Variants in SPIRE2 observed in about 807,000 individuals in gnomAD.
The protein encoded by SPIRE2 is spire type actin nucleation factor 2.
In SPIRE2, 76 loss-of-function variants were observed where a neutral mutation model predicts 80.7. The ratio of observed to expected loss-of-function variants is 0.94; its 90% CI spans 0.78 to 1.14. SPIRE2 has a LOEUF of 1.14. Ranked by LOEUF, SPIRE2 falls within the 50% of genes most tolerant of loss-of-function variation. The probability of loss-of-function intolerance (pLI) is 0.00; values close to 1 mark genes in which losing one functional copy is unlikely to be tolerated. For synonymous variants in SPIRE2, 535 were observed against 432.6 expected (o/e 1.24, Z -2.94); for missense variants, 1,196 against 1,015.3 (o/e 1.18, Z -2.42).
In SPIRE2 at chr16:89,855,660, A is replaced by T. The variant is rs1285428230; in HGVS notation, c.952A>T (p.Ile318Phe). 6.2e-7 allele frequency: 1 copy of T among 1,612,602 alleles called. No individual in the cohort carries two copies. The highest frequency in any genetic ancestry group is 1.7e-5 in the Admixed American group (1 of 59,994). ...CGCTCACGAGCTCATCCTGGACTTT[A>T]TCCGCTCACGGCCTCCACTGAAGCA... ...KDAHELILDF[I>F]RSRPPLKQVS... is the part of the protein sequence containing the mutation. The change falls in exon 6 of 15, where the codon ATC (isoleucine) becomes TTC (phenylalanine). Residue 318 changes from isoleucine (I) to phenylalanine (F), a missense_variant. Coordinates refer to ENST00000378247, the MANE Select transcript of SPIRE2 (RefSeq NM_032451.2).
chr16:89,869,230 G>A (rs1225917995), intron 13 of SPIRE2, among the ~76,000 whole-genome samples: 3 of 150,742 alleles, frequency 2.0e-5, no homozygotes, highest in Non-Finnish European at 3.0e-5. Flanking sequence ...GGGTAAGGTG[G>A]CAGGTCCCGT....
At chr16:89,868,726 G>A (rs753091248) in intron 13 of SPIRE2, among the ~76,000 whole-genome samples, 18 of 151,980 alleles carry the variant, frequency 1.2e-4, no homozygotes, top group South Asian at 4.1e-4. Flanking sequence ...ATGGTGGCAC[G>A]CACCTGTAAT....
At chr16:89,855,552 C>A in intron 5 of SPIRE2, 48 bp from the exon 6 acceptor site, 1 of 1,552,604 alleles carries the variant, frequency 6.4e-7, no homozygotes, top group Non-Finnish European at 8.9e-7. Flanking sequence ...TCGCCCTGCA[C>A]TAGTGGATGG....
intron 3 of SPIRE2, 37 bp downstream of exon 3, chr16:89,850,697 G>A (rs1275024633): frequency 8.5e-7 from 1 of 1,172,842 alleles, no homozygotes; most frequent in Non-Finnish European, 1.1e-6. Context: ...GAGGGTCCGG[G>A]AGGCCAGGGA....
At chr16:89,838,995 G>T (rs2041477511) in intron 1 of SPIRE2, among the ~76,000 whole-genome samples, 1 of 150,158 alleles carries the variant, frequency 6.7e-6, no homozygotes, top group Non-Finnish European at 1.5e-5. Flanking sequence ...CTCCCAAAGT[G>T]CTGGGATTAC....
At chr16:89,856,781 TGGGCTCAGTAGCTC>T (rs2041695529) in intron 7 of SPIRE2, among the ~76,000 whole-genome samples, 1 of 151,822 alleles carries the variant, frequency 6.6e-6, no homozygotes, top group Admixed American at 6.6e-5. Flanking sequence ...ATGATGAGGC[TGGGCTCAGTAGCTC>T]ATGCCTTGTA....
intron 1 of SPIRE2, among the ~76,000 whole-genome samples, chr16:89,835,781 G>A (rs185464166): frequency 2.6e-5 from 4 of 152,286 alleles, no homozygotes; most frequent in Non-Finnish European, 1.5e-5. Flanking sequence ...GCCCAGCCTC[G>A]CCTGGCTTCT....
intron 2 of SPIRE2, among the ~76,000 whole-genome samples, chr16:89,848,744 T>C (rs2143802274): frequency 1.3e-5 from 2 of 149,558 alleles, no homozygotes; most frequent in Admixed American, 1.3e-4. Flanking sequence ...CAGGGCCTTC[T>C]GTGGTGTTTC....
chr16:89,831,019 C>T (rs1466384356), intron 1 of SPIRE2, among the ~76,000 whole-genome samples: 13 of 149,580 alleles, frequency 8.7e-5, no homozygotes, highest in South Asian at 2.1e-4. Flanking sequence ...ACGCCATTCT[C>T]CTGCCTCAGC....
intron 7 of SPIRE2, among the ~76,000 whole-genome samples, chr16:89,856,589 C>T (rs1013741855): frequency 4.7e-5 from 7 of 149,520 alleles, no homozygotes; most frequent in Non-Finnish European, 8.9e-5. Context: ...GGATTACAGG[C>T]ACGTGCCACC....
intron 1 of SPIRE2, among the ~76,000 whole-genome samples, chr16:89,839,243 G>T (rs1031749296): frequency 6.6e-6 from 1 of 152,016 alleles, no homozygotes; most frequent in Non-Finnish European, 1.5e-5. Context: ...GCGTGGTGGC[G>T]GGCGCCTGTA....
intron 1 of SPIRE2, 81 bp from the exon 2 acceptor site, chr16:89,845,241 G>A (rs935824687): frequency 2.4e-5 from 30 of 1,265,754 alleles, no homozygotes; most frequent in South Asian, 3.6e-5. Context: ...GTGTGTCCCC[G>A]AGGGGGAGGT....
chr16:89,866,606 TTTTTTTC>T (rs1288986469), intron 12 of SPIRE2, among the ~76,000 whole-genome samples: 5 of 135,832 alleles, frequency 3.7e-5, no homozygotes, highest in South Asian at 2.4e-4. Flanking sequence ...TGAATTTTTT[TTTTTTTC>T]TTTTTTCTTT....
In SPIRE2 at chr16:89,854,558, G is replaced by A. The variant is rs2041669686; in HGVS notation, c.798G>A (p.Glu266=). ...GVKLKKVQEQ[E]FNPLPTEFQL... ...AGCTGAAGAAGGTGCAAGAGCAGGA[G>A]TTCAACCCCCTCCCCACCGAGTTCC... is the stretch of plus-strand genomic sequence containing the variant. Residue 266 remains glutamate, a synonymous_variant, in exon 5 of 15, where the codon GAG becomes GAA. Coordinates refer to ENST00000378247, the MANE Select transcript of SPIRE2 (RefSeq NM_032451.2). 2 of 1,612,538 alleles carry A rather than the reference G, an allele frequency of 1.2e-6. No homozygotes were observed. The highest frequency in any genetic ancestry group is 1.3e-5 in the African/African-American group (1 of 74,930).
Position 89,854,666 on chromosome 16 carries a change from C to G in SPIRE2, c.891+15C>G, listed in dbSNP as rs148577461. The G allele has an allele frequency of 6.2e-7, 1 of 1,606,100 alleles. No homozygotes were observed. Among genetic ancestry groups the G allele is most frequent in the Non-Finnish European group, 8.5e-7 (1 of 1,175,430 alleles). The stretch of plus-strand genomic sequence containing the variant: ...GCAAGGTCATGGTGAGCGGGGCAGA[C>G]GCAGAGGGGCAGCCTGGATGCAGAG... On this transcript the variant is annotated intron_variant, in intron 5 of 14. Coordinates refer to ENST00000378247, the MANE Select transcript of SPIRE2 (RefSeq NM_032451.2).
intron 8 of SPIRE2, 78 bp from the exon 9 acceptor site, chr16:89,859,087 C>A: frequency 7.5e-7 from 1 of 1,340,612 alleles, no homozygotes; most frequent in South Asian, 1.4e-5. Context: ...ACCCCTGGGT[C>A]CTCTGCTTCA....
intron 1 of SPIRE2, among the ~76,000 whole-genome samples, chr16:89,833,993 G>C (rs879831523): frequency 6.6e-6 from 1 of 152,182 alleles, no homozygotes; most frequent in African/African-American, 2.4e-5. Flanking sequence ...TGGCATTCCC[G>C]ATATAGTCTC....
intron 1 of SPIRE2, among the ~76,000 whole-genome samples, chr16:89,838,427 G>T (rs1313681858): frequency 4.6e-5 from 7 of 151,372 alleles, no homozygotes; most frequent in Middle Eastern, 3.4e-3. Context: ...CAGGTGATCG[G>T]CCTGCCTCGG....
chr16:89,833,956 C>T (rs780345158), intron 1 of SPIRE2, among the ~76,000 whole-genome samples: 8 of 152,104 alleles, frequency 5.3e-5, no homozygotes, highest in Non-Finnish European at 8.8e-5. Flanking sequence ...GGGTGTGTCT[C>T]TGTGTGAGCT....
Sources: allele counts gnomAD v4.1 joint callset (sites outside exome capture counted in the v4.1 genomes callset), GRCh38; gene constraint gnomAD v4.1.1; transcripts MANE v1.5; gene names NCBI Gene and HGNC (gene_info 2026-07-23, HGNC 2026-07-21).